The following KCNIP4 variants were observed in gnomAD, a reference collection of about 807,000 sequenced individuals.
KCNIP4 encodes Kv channel-interacting protein 4.
KCNIP4 carries 12 observed loss-of-function variants against 34.0 expected under a neutral mutation model. The observed-to-expected ratio is 0.35, with a 90% CI of 0.23 to 0.57. The LOEUF (loss-of-function observed/expected upper bound fraction) is 0.57. KCNIP4 is among the 20% of genes least tolerant of loss of function. KCNIP4 has a pLI of 0.83. For synonymous variants in KCNIP4, 124 were observed against 102.2 expected (o/e 1.21, Z -1.29); for missense variants, 238 against 311.7 (o/e 0.76, Z 1.78).
intron 1 of KCNIP4, among the ~76,000 whole-genome samples, chr4:21,828,435 A>C (rs10011295): frequency 0.98 from 148,050 of 151,810 alleles, 72,303 homozygotes; most frequent in East Asian, 1. Context: ...GGAGAAGCAA[A>C]TATACTCGAA....
In KCNIP4 at chr4:21,836,914, A is replaced by ATTTTT. The variant is rs201730191; in HGVS notation, c.61+111652_61+111656dup. Among the ~76,000 whole-genome samples the ATTTTT allele has an allele frequency of 4.4e-3, 546 of 123,472 alleles. 9 individuals are homozygous for ATTTTT. The highest frequency in any genetic ancestry group is 0.01 in the African/African-American group (307 of 29,928). 81.0% of individuals were successfully genotyped at this position (123,472 alleles called of 152,430 possible). ...TGGAAGCTCAAAAAAGCTGGGATAA[A>ATTTTT]TTTTTTTTTTTTTTTTTTTTTGAGA... On this transcript the variant is annotated intron_variant, in intron 1 of 8. Transcript: ENST00000382152.
intron 3 of KCNIP4, among the ~76,000 whole-genome samples, chr4:20,787,643 T>C (rs1410310716): frequency 1.3e-5 from 2 of 152,132 alleles, no homozygotes; most frequent in African/African-American, 4.8e-5. Context: ...CAAATTCTAA[T>C]TCTTATTCAA....
At chr4:21,656,262 C>G (rs1747919524) in intron 1 of KCNIP4, among the ~76,000 whole-genome samples, 1 of 152,094 alleles carries the variant, frequency 6.6e-6, no homozygotes, top group African/African-American at 2.4e-5. Flanking sequence ...CCTGTGTGAG[C>G]CTGTGTTCAA....
intron 1 of KCNIP4, among the ~76,000 whole-genome samples, chr4:21,502,214 G>A (rs765246827): frequency 3.3e-5 from 5 of 151,836 alleles, no homozygotes; most frequent in Non-Finnish European, 5.9e-5. Flanking sequence ...AGCTGAAAAC[G>A]GCACATTCAT....
chr4:20,772,408 G>A (rs181030192), intron 3 of KCNIP4, among the ~76,000 whole-genome samples: 132 of 152,288 alleles, frequency 8.7e-4, no homozygotes, highest in Non-Finnish European at 1.7e-3. Flanking sequence ...GAAGCAGTCA[G>A]TATTCAAATA....
chr4:21,418,764 A>G (rs1189341603), intron 1 of KCNIP4, among the ~76,000 whole-genome samples: 1 of 152,276 alleles, frequency 6.6e-6, no homozygotes, highest in Non-Finnish European at 1.5e-5. Context: ...AGTTGGGGCC[A>G]TTACAGTTGT....
chr4:21,555,330 C>G (rs1220010110), intron 1 of KCNIP4, among the ~76,000 whole-genome samples: 5 of 152,102 alleles, frequency 3.3e-5, no homozygotes, highest in African/African-American at 9.7e-5. Flanking sequence ...CACATGAGTT[C>G]TGAAAATCAA....
intron 1 of KCNIP4, among the ~76,000 whole-genome samples, chr4:21,939,856 T>C (rs116687568): frequency 0.01 from 1,563 of 152,266 alleles, 25 homozygotes; most frequent in African/African-American, 0.035. Context: ...GCTTGAAATA[T>C]TAGATGATGT....
chr4:20,732,859 T>C, intron 6 of KCNIP4, 74 bp from the exon 7 acceptor site: 1 of 891,064 alleles, frequency 1.1e-6, no homozygotes, highest in Non-Finnish European at 1.8e-6. Flanking sequence ...TCTGACAGAT[T>C]TTTCCTACTC....
intron 1 of KCNIP4, among the ~76,000 whole-genome samples, chr4:21,239,922 C>T (rs1759675241): frequency 6.6e-6 from 1 of 152,066 alleles, no homozygotes; most frequent in African/African-American, 2.4e-5. Context: ...GACACATGCA[C>T]ATGTATGTTT....
intron 1 of KCNIP4, among the ~76,000 whole-genome samples, chr4:21,435,555 A>G (rs1168335163): frequency 6.6e-6 from 1 of 152,234 alleles, no homozygotes; most frequent in African/African-American, 2.4e-5. Flanking sequence ...CAAAGAGAAT[A>G]GAAAAGAAAG....
intron 5 of KCNIP4, among the ~76,000 whole-genome samples, chr4:20,743,408 G>A (rs373621037): frequency 6.6e-6 from 1 of 152,230 alleles, no homozygotes; most frequent in East Asian, 1.9e-4. Context: ...CATGGTACTG[G>A]TACCAAAACA....
chr4:21,478,326 A>C (rs1233958276), intron 1 of KCNIP4, among the ~76,000 whole-genome samples: 1 of 151,968 alleles, frequency 6.6e-6, no homozygotes, highest in Non-Finnish European at 1.5e-5. Flanking sequence ...TTAACCTAGG[A>C]CTTGGGCCTT....
At chr4:21,482,214 T>A (rs1731491490) in intron 1 of KCNIP4, among the ~76,000 whole-genome samples, 1 of 152,160 alleles carries the variant, frequency 6.6e-6, no homozygotes, top group African/African-American at 2.4e-5. Flanking sequence ...TCTCTGCACG[T>A]GAGATGGGTT....
intron 1 of KCNIP4, among the ~76,000 whole-genome samples, chr4:21,377,038 A>G (rs1056291049): frequency 7.2e-5 from 11 of 152,250 alleles, no homozygotes; most frequent in Non-Finnish European, 1.3e-4. Context: ...TATTTTCAGT[A>G]AGGAATTAAA....
At chr4:21,178,565 T>A (rs950603610) in intron 1 of KCNIP4, among the ~76,000 whole-genome samples, 1 of 148,358 alleles carries the variant, frequency 6.7e-6, no homozygotes, top group African/African-American at 2.6e-5. Context: ...GGAGTCCTAC[T>A]TTTTGGGGTT....
At chr4:21,317,205 T>G (rs975079127) in intron 1 of KCNIP4, among the ~76,000 whole-genome samples, 7 of 152,166 alleles carry the variant, frequency 4.6e-5, no homozygotes, top group African/African-American at 1.4e-4. Flanking sequence ...TTGAGTTGGA[T>G]TTTATCAAAC....
intron 1 of KCNIP4, among the ~76,000 whole-genome samples, chr4:21,317,430 T>C (rs1428263329): frequency 6.6e-6 from 1 of 152,282 alleles, no homozygotes; most frequent in African/African-American, 2.4e-5. Context: ...TAACAATTTA[T>C]GGAGGAAATC....
chr4:21,593,677 C>A (rs898037587), intron 1 of KCNIP4, among the ~76,000 whole-genome samples: 3 of 152,098 alleles, frequency 2.0e-5, no homozygotes, highest in Admixed American at 6.6e-5. Context: ...TGAGAATTCC[C>A]ACACCTTGTT....
Sources: gnomAD v4.1 joint callset for allele counts (sites outside exome capture counted in the v4.1 genomes callset) on GRCh38, gnomAD v4.1.1 for gene constraint, MANE v1.5 for transcripts, NCBI Gene and HGNC (gene_info 2026-07-23, HGNC 2026-07-21) for gene names.